PDE11A: variants seen among roughly 807,000 people sequenced by gnomAD.
The protein encoded by PDE11A is phosphodiesterase 11A.
A neutral mutation model predicts 100.5 loss-of-function variants in PDE11A; 100 were observed. The observed-to-expected ratio is 1.00, with a 90% CI of 0.85 to 1.18. The LOEUF is 1.18. Ranked by LOEUF, PDE11A falls within the 50% of genes most tolerant of loss-of-function variation. PDE11A has a pLI of 0.00. For missense variants in PDE11A, 1,141 were observed against 1,152.6 expected (o/e 0.99, Z 0.15); for synonymous variants, 381 against 420.8 (o/e 0.91, Z 1.16).
intron 2 of PDE11A, among the ~76,000 whole-genome samples, chr2:177,952,026 AG>A (rs2085511096): frequency 6.6e-6 from 1 of 152,168 alleles, no homozygotes; most frequent in Non-Finnish European, 1.5e-5. Flanking sequence ...CATTTACATT[AG>A]GTATTTCCAT....
chr2:177,624,251 G>A lies in PDE11A; in HGVS notation c.*5156C>T, dbSNP rs1016899131. ...TGTTGCTTTAATGAATCCTTTTTGT[G>A]TTTTGGTGGTTTTTTTTTTTTTCAG... On this transcript the variant is annotated 3_prime_UTR_variant, in exon 20 of 20. Transcript: ENST00000286063. 2 of 86,450 alleles carry A rather than the reference G, an allele frequency of 2.3e-5. No homozygotes were observed. The highest frequency in any genetic ancestry group is 7.0e-5 in the African/African-American group (2 of 28,644). 5.4% of individuals were successfully genotyped at this position (86,450 alleles called of 1,614,324 possible).
In PDE11A at chr2:178,062,040, G is replaced by C. The variant is rs546229356; in HGVS notation, c.912+9486C>G. On this transcript the variant is annotated intron_variant, in intron 1 of 19. Transcript: ENST00000286063. ...ACTCCTTTCTATCTATTCACAGCAGGCATGAGTAAAAGAAAGGATCAAATC... is the reference window on the plus strand; with the variant it reads ...ACTCCTTTCTATCTATTCACAGCAGCCATGAGTAAAAGAAAGGATCAAATC... Among the ~76,000 whole-genome samples, 8 of 152,210 alleles carry C rather than the reference G, an allele frequency of 5.3e-5. No individual in the cohort carries two copies. In the South Asian group the frequency reaches 1.7e-3, roughly 32 times the overall value.
chr2:177,669,387 C>T, intron 18 of PDE11A, 106 bp downstream of exon 18: 1 of 735,098 alleles, frequency 1.4e-6, no homozygotes, highest in Non-Finnish European at 2.5e-6. Flanking sequence ...GGAGTGCTTC[C>T]TTAAACCCAT....
intron 6 of PDE11A, among the ~76,000 whole-genome samples, chr2:177,835,398 G>C (rs563821863): frequency 6.6e-6 from 1 of 152,086 alleles, no homozygotes; most frequent in African/African-American, 2.4e-5. Flanking sequence ...AGGGGTAATT[G>C]TGTCCCCCTA....
At chr2:177,899,153 A>G (rs887316578) in intron 3 of PDE11A, among the ~76,000 whole-genome samples, 3 of 152,196 alleles carry the variant, frequency 2.0e-5, no homozygotes, top group African/African-American at 7.2e-5. Context: ...CATGCCTATA[A>G]TCCCAGCACT....
chr2:177,838,797 A>C (rs1356745953), intron 6 of PDE11A, among the ~76,000 whole-genome samples: 1 of 152,234 alleles, frequency 6.6e-6, no homozygotes, highest in African/African-American at 2.4e-5. Flanking sequence ...CCAGTCATAT[A>C]ACCAAGTTAG....
chr2:177,772,510 TC>T (rs2082324440), intron 9 of PDE11A, among the ~76,000 whole-genome samples: 1 of 152,198 alleles, frequency 6.6e-6, no homozygotes, highest in African/African-American at 2.4e-5. Flanking sequence ...CTCTTTTGTT[TC>T]AGTTTTACTG....
At chr2:177,716,288 C>T (rs909549166) in intron 12 of PDE11A, among the ~76,000 whole-genome samples, 11 of 152,138 alleles carry the variant, frequency 7.2e-5, no homozygotes, top group African/African-American at 2.7e-4. Context: ...TTCCATCACT[C>T]CCTCATTCCA....
chr2:177,946,358 C>T (rs1333577456), intron 2 of PDE11A, among the ~76,000 whole-genome samples: 116 of 105,156 alleles, frequency 1.1e-3, no homozygotes, highest in African/African-American at 3.5e-3. Context: ...CCCGGCCAGC[C>T]GCCCCGTCCG....
intron 1 of PDE11A, among the ~76,000 whole-genome samples, chr2:178,033,270 CA>C (rs2086571285): frequency 6.6e-6 from 1 of 152,002 alleles, no homozygotes; most frequent in Non-Finnish European, 1.5e-5. Flanking sequence ...TATCAACAAC[CA>C]AATTTATCAA....
chr2:177,769,866 C>T (rs562775561), intron 9 of PDE11A, among the ~76,000 whole-genome samples: 24 of 120,048 alleles, frequency 2.0e-4, no homozygotes, highest in Non-Finnish European at 3.0e-4. Flanking sequence ...CCAGCCTGGG[C>T]GACAGAGTAA....
chr2:177,771,965 G>A (rs978462462), intron 9 of PDE11A, among the ~76,000 whole-genome samples: 2 of 152,076 alleles, frequency 1.3e-5, no homozygotes, highest in Non-Finnish European at 2.9e-5. Flanking sequence ...TCGTGCCATT[G>A]CACTACAGTC....
intron 6 of PDE11A, among the ~76,000 whole-genome samples, chr2:177,821,602 G>C (rs1433176610): frequency 6.6e-6 from 1 of 151,668 alleles, no homozygotes; most frequent in Non-Finnish European, 1.5e-5. Flanking sequence ...GAGAGTTCCA[G>C]TTGATTTATA....
intron 2 of PDE11A, among the ~76,000 whole-genome samples, chr2:177,981,028 G>C (rs2695744): frequency 0.65 from 95,313 of 146,688 alleles, 34,022 homozygotes; most frequent in African/African-American, 0.87. Flanking sequence ...ACAGCAGAAG[G>C]TAGAGTTAAA....
chr2:177,786,945 C>G (rs1334308521), intron 9 of PDE11A, among the ~76,000 whole-genome samples: 1 of 150,414 alleles, frequency 6.6e-6, no homozygotes, highest in Non-Finnish European at 1.5e-5. Flanking sequence ...GAGAATGGAA[C>G]CAAGTTGGAA....
At chr2:177,869,976 C>A (rs1268639348) in intron 5 of PDE11A, among the ~76,000 whole-genome samples, 2 of 152,166 alleles carry the variant, frequency 1.3e-5, no homozygotes, top group Non-Finnish European at 2.9e-5. Flanking sequence ...AAATTTTTGA[C>A]AAATTGATGT....
chr2:177,947,400 CTT>C (rs2085456756), intron 2 of PDE11A, among the ~76,000 whole-genome samples: 1 of 152,058 alleles, frequency 6.6e-6, no homozygotes, highest in Non-Finnish European at 1.5e-5. Flanking sequence ...ACATGGGAGA[CTT>C]TTCATTTTGT....
At chr2:178,102,033 G>A (rs2087565359) in intron 2 of PDE11A, among the ~76,000 whole-genome samples, 2 of 151,878 alleles carry the variant, frequency 1.3e-5, no homozygotes, top group Admixed American at 6.6e-5. Context: ...GTGAGATTAT[G>A]GGTCACTGCA....
chr2:177,739,265 C>T (rs960471829), intron 10 of PDE11A, among the ~76,000 whole-genome samples: 2 of 152,084 alleles, frequency 1.3e-5, no homozygotes, highest in Admixed American at 6.5e-5. Context: ...TGCACTCCAC[C>T]GTGCAGCAAA....
Sources: allele counts gnomAD v4.1 joint callset (sites outside exome capture counted in the v4.1 genomes callset), GRCh38; gene constraint gnomAD v4.1.1; transcripts MANE v1.5; gene names NCBI Gene and HGNC (gene_info 2026-07-23, HGNC 2026-07-21).